MAML3: variants seen among roughly 807,000 people sequenced by gnomAD.
MAML3 encodes mastermind-like protein 3.
A neutral mutation model predicts 101.9 loss-of-function variants in MAML3; 27 were observed. The observed-to-expected ratio is 0.27, with a 90% CI of 0.20 to 0.37. MAML3 has a LOEUF of 0.37. Ranked by LOEUF, MAML3 falls within the 10% of genes least tolerant of loss-of-function variation. The pLI is 1.00. For synonymous variants in MAML3, 501 were observed against 555.9 expected, an observed-to-expected ratio of 0.90 and a Z score of 1.39; for missense variants, 1,316 against 1,444.9, an observed-to-expected ratio of 0.91 and a Z score of 1.45.
chr4:139,782,521 A>G (rs945143598), intron 2 of MAML3, among the ~76,000 whole-genome samples: 1 of 152,210 alleles, frequency 6.6e-6, no homozygotes, highest in African/African-American at 2.4e-5. Context: ...TTACATGGAC[A>G]CAAAGATAAA....
At chr4:140,012,785 C>A (rs1726583201) in intron 1 of MAML3, among the ~76,000 whole-genome samples, 1 of 152,186 alleles carries the variant, frequency 6.6e-6, no homozygotes, top group South Asian at 2.1e-4. Flanking sequence ...TCCAATGAGA[C>A]AACTGCCCTG....
intron 2 of MAML3, among the ~76,000 whole-genome samples, chr4:139,792,885 T>A (rs1046514509): frequency 6.6e-6 from 1 of 151,902 alleles, no homozygotes; most frequent in Non-Finnish European, 1.5e-5. Context: ...ACTGGGACTA[T>A]AGGCGCCCAC....
chr4:140,125,007 T>C (rs1728662761), intron 1 of MAML3, among the ~76,000 whole-genome samples: 1 of 152,198 alleles, frequency 6.6e-6, no homozygotes, highest in Non-Finnish European at 1.5e-5. Context: ...TACAAATTAA[T>C]TGTTTTCTAA....
chr4:139,976,548 G>A (rs997605556), intron 1 of MAML3, among the ~76,000 whole-genome samples: 1 of 152,114 alleles, frequency 6.6e-6, no homozygotes. Flanking sequence ...AGAATCATAG[G>A]TGATACCTTC....
Position 139,949,755 on chromosome 4 carries a change from G to A in MAML3, c.469-58788C>T, listed in dbSNP as rs76210649. On this transcript the variant is annotated intron_variant, in intron 1 of 4. Coordinates refer to ENST00000509479, the MANE Select transcript of MAML3 (RefSeq NM_018717.5). ...ACTTTCCTTGAATTCCTCATGTGAT[G>A]GTTCATTTTAGTTGTTAACTTGACT... Among the ~76,000 whole-genome samples, 110 of 152,224 alleles carry A rather than the reference G, an allele frequency of 7.2e-4. 1 individual carries two copies. In the East Asian group the frequency reaches 0.019, roughly 26 times the overall value.
chr4:139,995,117 T>C (rs1369997222), intron 1 of MAML3, among the ~76,000 whole-genome samples: 1 of 152,164 alleles, frequency 6.6e-6, no homozygotes. Flanking sequence ...TTTTGTCAAA[T>C]GATTTTGTCA....
At chr4:139,928,432 G>C (rs1231770309) in intron 1 of MAML3, among the ~76,000 whole-genome samples, 2 of 152,184 alleles carry the variant, frequency 1.3e-5, no homozygotes, top group Non-Finnish European at 2.9e-5. Flanking sequence ...AGAATACAGA[G>C]AGTAAGGACT....
intron 2 of MAML3, among the ~76,000 whole-genome samples, chr4:139,844,541 A>G (rs1046926507): frequency 6.6e-6 from 1 of 152,228 alleles, no homozygotes; most frequent in Admixed American, 6.5e-5. Context: ...GATAATTTCT[A>G]CAGGCTTCAG....
intron 2 of MAML3, among the ~76,000 whole-genome samples, chr4:139,805,086 GGA>G (rs1446344808): frequency 6.6e-6 from 1 of 152,210 alleles, no homozygotes; most frequent in African/African-American, 2.4e-5. Flanking sequence ...GGCTGAGGCA[GGA>G]GAATTGCTTG....
At chr4:140,018,374 T>C (rs1174709458) in intron 1 of MAML3, among the ~76,000 whole-genome samples, 1 of 152,134 alleles carries the variant, frequency 6.6e-6, no homozygotes, top group Non-Finnish European at 1.5e-5. Flanking sequence ...GCATAAACTA[T>C]AATATTTTTG....
chr4:140,000,147 TTGC>T (rs1462930440), intron 1 of MAML3, among the ~76,000 whole-genome samples: 1 of 152,242 alleles, frequency 6.6e-6, no homozygotes, highest in East Asian at 1.9e-4. Flanking sequence ...GATTGAGATG[TTGC>T]TAAGGTTAAA....
At chr4:139,962,702 A>C (rs1160026757) in intron 1 of MAML3, among the ~76,000 whole-genome samples, 4 of 152,210 alleles carry the variant, frequency 2.6e-5, no homozygotes, top group African/African-American at 4.8e-5. Context: ...TTAAAACTTT[A>C]ATTTTTAAAA....
At chr4:139,788,660 C>A (rs1472644367) in intron 2 of MAML3, among the ~76,000 whole-genome samples, 1 of 152,200 alleles carries the variant, frequency 6.6e-6, no homozygotes, top group African/African-American at 2.4e-5. Context: ...ATAGGGATGG[C>A]CAAGAAACTA....
chr4:140,129,890 A>G (rs1728759766), intron 1 of MAML3, among the ~76,000 whole-genome samples: 1 of 151,770 alleles, frequency 6.6e-6, no homozygotes, highest in African/African-American at 2.4e-5. Flanking sequence ...ACTTGAACCC[A>G]GGAGGCAGAG....
At chr4:139,927,177 G>A (rs1310335385) in intron 1 of MAML3, among the ~76,000 whole-genome samples, 1 of 151,550 alleles carries the variant, frequency 6.6e-6, no homozygotes, top group Non-Finnish European at 1.5e-5. Context: ...ACCCACCTTG[G>A]CCTCCCAAAG....
intron 2 of MAML3, among the ~76,000 whole-genome samples, chr4:139,884,869 A>G (rs1732295688): frequency 6.6e-6 from 1 of 152,218 alleles, no homozygotes; most frequent in African/African-American, 2.4e-5. Flanking sequence ...GAATATCCTT[A>G]TGTTTAAGAC....
chr4:139,958,876 C>G lies in MAML3; in HGVS notation c.469-67909G>C, dbSNP rs140493830. ...CAATGATACTAATTACTTCGTAGAG[C>G]TTGTGCTTGCATTGTTATTCTTGCA... is the stretch of plus-strand genomic sequence containing the variant. On this transcript the variant is annotated intron_variant, in intron 1 of 4. Transcript: ENST00000509479. Among the ~76,000 whole-genome samples, 242 of 152,354 alleles carry G rather than the reference C, an allele frequency of 1.6e-3. 1 individual carries two copies. Among genetic ancestry groups the G allele is most frequent in the African/African-American group, 5.4e-3 (225 of 41,592 alleles).
chr4:139,802,082 A>G (rs1320024841), intron 2 of MAML3, among the ~76,000 whole-genome samples: 1 of 152,178 alleles, frequency 6.6e-6, no homozygotes, highest in Non-Finnish European at 1.5e-5. Context: ...GATCGGCAAC[A>G]GACTACTTCT....
intron 1 of MAML3, among the ~76,000 whole-genome samples, chr4:140,149,942 T>TC (rs1553981683): frequency 3.4e-4 from 49 of 145,278 alleles, no homozygotes; most frequent in Middle Eastern, 3.7e-3. Flanking sequence ...TTTCTTTCTT[T>TC]TTTTTTTTTT....
Sources: allele counts gnomAD v4.1 joint callset (sites outside exome capture counted in the v4.1 genomes callset), GRCh38; gene constraint gnomAD v4.1.1; transcripts MANE v1.5; gene names NCBI Gene and HGNC (gene_info 2026-07-23, HGNC 2026-07-21).